Variants in ABTB2 observed in about 807,000 individuals in gnomAD.
ABTB2 encodes the protein ankyrin repeat and BTB/POZ domain-containing protein 2.
A neutral mutation model predicts 104.1 loss-of-function variants in ABTB2; 56 were observed. The ratio of observed to expected loss-of-function variants is 0.54; its 90% confidence interval spans 0.43 to 0.67. ABTB2 has a LOEUF of 0.67. ABTB2 is among the 30% of genes least tolerant of loss of function. ABTB2 has a pLI of 0.00. For synonymous variants in ABTB2, 606 were observed against 608.2 expected (o/e 1.00, Z 0.05); for missense variants, 1,279 against 1,407.7 (o/e 0.91, Z 1.46).
chr11:34,310,112 G>A (rs1044995589), intron 1 of ABTB2, among the ~76,000 whole-genome samples: 8 of 152,158 alleles, frequency 5.3e-5, no homozygotes, highest in South Asian at 2.1e-4. Flanking sequence ...CAGTATGTAT[G>A]TCTCCTGCTC....
chr11:34,292,681 A>C (rs1854575832), intron 1 of ABTB2, among the ~76,000 whole-genome samples: 1 of 152,184 alleles, frequency 6.6e-6, no homozygotes, highest in Non-Finnish European at 1.5e-5. Context: ...ATAGGAAGAA[A>C]AGTCAAGCCA....
chr11:34,323,906 C>CTTTTTTTTT (rs56375939), intron 1 of ABTB2, among the ~76,000 whole-genome samples: 2 of 63,878 alleles, frequency 3.1e-5, no homozygotes, highest in Non-Finnish European at 5.3e-5. Context: ...TAAATTCCCT[C>CTTTTTTTTT]TTTTTTTTTT....
At chr11:34,167,766 G>C (rs1852820775) in intron 6 of ABTB2, 137 bp downstream of exon 6, 2 of 918,046 alleles carry the variant, frequency 2.2e-6, no homozygotes, top group African/African-American at 3.3e-5. Context: ...AGTGGCCTCT[G>C]TGCATCTTGT....
intron 1 of ABTB2, among the ~76,000 whole-genome samples, chr11:34,225,935 G>A (rs906861026): frequency 3.3e-5 from 5 of 151,988 alleles, no homozygotes; most frequent in African/African-American, 1.2e-4. Context: ...CAGGTGCGGT[G>A]GCTCACGCCT....
rs185812883 is a variant in ABTB2 at position 34,180,779 on chromosome 11, T to A, written c.1245-7472A>T. 5.6e-4 allele frequency among the ~76,000 whole-genome samples: 85 copies of A among 152,352 alleles called. No individual in the cohort carries two copies. In the East Asian group the frequency reaches 0.015, roughly 26 times the overall value. ...CAGTCTCTCTCATCTGCCTTTAAGTTAATCATACAGGTGAGCCTGATTGTT... is the reference window on the plus strand; with the variant it reads ...CAGTCTCTCTCATCTGCCTTTAAGTAAATCATACAGGTGAGCCTGATTGTT... On this transcript the variant is annotated intron_variant, in intron 3 of 16. Transcript: ENST00000435224.
intron 7 of ABTB2, 33 bp downstream of exon 7, chr11:34,167,226 G>A (rs758287863): frequency 6.4e-7 from 1 of 1,562,732 alleles, no homozygotes; most frequent in Admixed American, 1.8e-5. Flanking sequence ...CTGGTAAGCT[G>A]GGGGGCATGG....
chr11:34,238,904 C>T (rs1853878964), intron 1 of ABTB2, among the ~76,000 whole-genome samples: 1 of 152,144 alleles, frequency 6.6e-6, no homozygotes, highest in Non-Finnish European at 1.5e-5. Flanking sequence ...CAGGCGCGTG[C>T]CACCACACCT....
intron 1 of ABTB2, among the ~76,000 whole-genome samples, chr11:34,302,386 C>T (rs968277602): frequency 1.3e-5 from 2 of 152,194 alleles, no homozygotes; most frequent in Admixed American, 6.5e-5. Context: ...AAACTCTTAC[C>T]TCTTCCTATC....
At chr11:34,163,958 G>T (rs1852758113) in intron 9 of ABTB2, among the ~76,000 whole-genome samples, 1 of 151,602 alleles carries the variant, frequency 6.6e-6, no homozygotes, top group South Asian at 2.1e-4. Context: ...GAGGGTGAGG[G>T]TGGCTGGGGT....
At position 34,152,292 on chromosome 11, in the gene ABTB2, T is replaced by G; in HGVS notation, c.*95A>C. 7.3e-7 allele frequency: 1 copy of G among 1,377,582 alleles called. No individual in the cohort carries two copies. Among genetic ancestry groups the G allele is most frequent in the Non-Finnish European group, 9.7e-7 (1 of 1,026,608 alleles). 85.3% of individuals were successfully genotyped at this position (1,377,582 alleles called of 1,614,324 possible). Reference sequence around the variant, plus strand: ...GGGGGAGGAGGAGGAAACAGCCCCGTGAACCTGGCTCCAAGAGGGCCTACA... The same window carrying G: ...GGGGGAGGAGGAGGAAACAGCCCCGGGAACCTGGCTCCAAGAGGGCCTACA... On this transcript the variant is annotated 3_prime_UTR_variant, in exon 17 of 17. Coordinates refer to ENST00000435224, the MANE Select transcript of ABTB2 (RefSeq NM_145804.3).
intron 1 of ABTB2, among the ~76,000 whole-genome samples, chr11:34,272,924 C>T (rs1048276094): frequency 2.0e-5 from 3 of 151,870 alleles, no homozygotes; most frequent in Non-Finnish European, 4.4e-5. Context: ...AGCTGTGTGA[C>T]CTTAAGCAAA....
At chr11:34,249,444 A>G (rs1167177185) in intron 1 of ABTB2, among the ~76,000 whole-genome samples, 1 of 152,228 alleles carries the variant, frequency 6.6e-6, no homozygotes, top group Non-Finnish European at 1.5e-5. Context: ...TGACAAGAAT[A>G]TCCCCACCAA....
chr11:34,277,854 G>A (rs1854403001), intron 1 of ABTB2, among the ~76,000 whole-genome samples: 1 of 146,454 alleles, frequency 6.8e-6, no homozygotes, highest in Admixed American at 6.8e-5. Context: ...GCCCAGCCTG[G>A]AGTACAATGG....
chr11:34,219,655 C>A (rs1320715973), intron 1 of ABTB2, among the ~76,000 whole-genome samples: 1 of 152,178 alleles, frequency 6.6e-6, no homozygotes, highest in Non-Finnish European at 1.5e-5. Context: ...GAAATATGTA[C>A]CATTGTGTTA....
intron 1 of ABTB2, among the ~76,000 whole-genome samples, chr11:34,224,552 C>T (rs141463128): frequency 2.5e-3 from 377 of 152,224 alleles, no homozygotes; most frequent in African/African-American, 8.5e-3. Context: ...GAGCCTCCCC[C>T]GACAATGACG....
chr11:34,293,763 C>T (rs1044610922), intron 1 of ABTB2, among the ~76,000 whole-genome samples: 24 of 151,918 alleles, frequency 1.6e-4, no homozygotes, highest in Admixed American at 1.4e-3. Context: ...CTTCCTCTGT[C>T]GCCCAGGCTG....
At chr11:34,236,138 G>T (rs1853840378) in intron 1 of ABTB2, among the ~76,000 whole-genome samples, 1 of 152,104 alleles carries the variant, frequency 6.6e-6, no homozygotes, top group East Asian at 1.9e-4. Flanking sequence ...GTTGGCAGAG[G>T]GAGATTAAAA....
At chr11:34,181,686 G>A (rs1853029386) in intron 3 of ABTB2, among the ~76,000 whole-genome samples, 1 of 152,206 alleles carries the variant, frequency 6.6e-6, no homozygotes, top group African/African-American at 2.4e-5. Context: ...GTTCTGGGGT[G>A]CAGGCCCGGC....
At chr11:34,229,352 G>C (rs1349482048) in intron 1 of ABTB2, among the ~76,000 whole-genome samples, 1 of 151,094 alleles carries the variant, frequency 6.6e-6, no homozygotes, top group East Asian at 1.9e-4. Context: ...GTGGTGGCGG[G>C]CGCCTGTAGT....
Sources: gnomAD v4.1 joint callset for allele counts (sites outside exome capture counted in the v4.1 genomes callset) on GRCh38, gnomAD v4.1.1 for gene constraint, MANE v1.5 for transcripts, NCBI Gene and HGNC (gene_info 2026-07-23, HGNC 2026-07-21) for gene names.